The following SORBS2 variants were observed in gnomAD, a reference collection of about 807,000 sequenced individuals.
SORBS2 encodes sorbin and SH3 domain containing 2, also known as sorbin and SH3 domain-containing protein 2.
Under a neutral mutation model 97.7 loss-of-function variants are expected in SORBS2, and 46 were observed. The ratio of observed to expected loss-of-function variants is 0.47; its 90% confidence interval spans 0.37 to 0.60. The LOEUF (loss-of-function observed/expected upper bound fraction) is 0.60, where lower values mean the gene tolerates loss of function less well. Among genes scored for constraint, SORBS2 ranks in the 20% least tolerant of loss-of-function variants. The probability of loss-of-function intolerance (pLI) is 0.00; values close to 1 mark genes in which losing one functional copy is unlikely to be tolerated. For missense variants in SORBS2, 1,316 were observed against 1,282.3 expected (o/e 1.03, Z -0.40); for synonymous variants, 476 against 473.4 (o/e 1.01, Z -0.07).
At chr4:185,870,918 C>T (rs2149741218) in intron 1 of SORBS2, among the ~76,000 whole-genome samples, 1 of 152,278 alleles carries the variant, frequency 6.6e-6, no homozygotes, top group East Asian at 1.9e-4. Flanking sequence ...TTTGAGGAGA[C>T]AGGGTTAGAT....
At chr4:185,700,970 C>T (rs58758554) in intron 2 of SORBS2, among the ~76,000 whole-genome samples, 45,715 of 152,094 alleles carry the variant, frequency 0.3, 7,415 homozygotes, top group African/African-American at 0.42. Flanking sequence ...TCCACAGTTA[C>T]ACAGTGGAGA....
chr4:185,678,565 CA>C lies in SORBS2; in HGVS notation c.-170-19del. The C allele has an allele frequency of 6.6e-7, 1 of 1,508,542 alleles. No homozygotes were observed. The highest frequency in any genetic ancestry group is 8.8e-7 in the Non-Finnish European group (1 of 1,130,844). 93.4% of individuals were successfully genotyped at this position (1,508,542 alleles called of 1,614,324 possible). A position where few individuals can be genotyped will look rare whatever the true frequency, so the allele number is the denominator to read the frequency against. ...TCTCCAAGCTTTCATTAAGGGAAAA[CA>C]ATTGGATACAAAAATATCTACGTTC... On this transcript the variant is annotated intron_variant, in intron 3 of 20. Transcript: ENST00000284776.
intron 1 of SORBS2, among the ~76,000 whole-genome samples, chr4:185,827,186 CCATCAT>C (rs144601964): frequency 1.8e-4 from 9 of 49,342 alleles, no homozygotes; most frequent in South Asian, 1.2e-3. Flanking sequence ...ATCAGAATCA[CCATCAT>C]CATCATCATC....
chr4:185,945,563 C>A (rs1579620999), intron 1 of SORBS2, among the ~76,000 whole-genome samples: 1 of 152,232 alleles, frequency 6.6e-6, no homozygotes, highest in African/African-American at 2.4e-5. Context: ...AGATCCTCTT[C>A]TAGTGTTCCA....
intron 2 of SORBS2, among the ~76,000 whole-genome samples, chr4:185,715,902 C>T (rs1377055049): frequency 3.3e-5 from 5 of 152,180 alleles, no homozygotes; most frequent in Non-Finnish European, 7.3e-5. Flanking sequence ...GAAAGGAAGG[C>T]TATTCTTAAC....
intron 1 of SORBS2, among the ~76,000 whole-genome samples, chr4:185,883,498 C>CACTGCTCG (rs777624868): frequency 3.3e-5 from 5 of 152,146 alleles, no homozygotes; most frequent in Non-Finnish European, 7.3e-5. Context: ...AACACAATCC[C>CACTGCTCG]ACTGCTCGAT....
chr4:185,666,711 T>C (rs72718142), intron 4 of SORBS2, among the ~76,000 whole-genome samples: 19,591 of 152,222 alleles, frequency 0.13, 1,366 homozygotes, highest in Middle Eastern at 0.22. Flanking sequence ...ATGGAAAAGA[T>C]GTTTTATTTC....
chr4:185,736,714 C>A (rs554331417), intron 2 of SORBS2, among the ~76,000 whole-genome samples: 1 of 152,282 alleles, frequency 6.6e-6, no homozygotes, highest in Admixed American at 6.5e-5. Context: ...CACCCGATGA[C>A]ACCAGGGTGT....
intron 1 of SORBS2, among the ~76,000 whole-genome samples, chr4:185,863,763 T>G (rs558954518): frequency 6.6e-6 from 1 of 152,316 alleles, no homozygotes; most frequent in African/African-American, 2.4e-5. Context: ...AATCAGCTTG[T>G]CCATTTTTAC....
chr4:185,947,257 C>T (rs567088925), intron 1 of SORBS2, among the ~76,000 whole-genome samples: 28 of 152,296 alleles, frequency 1.8e-4, no homozygotes, highest in African/African-American at 6.7e-4. Flanking sequence ...GGGATCTGTA[C>T]TATAGTCAGG....
chr4:185,864,939 C>T (rs921491745), intron 1 of SORBS2, among the ~76,000 whole-genome samples: 1 of 149,368 alleles, frequency 6.7e-6, no homozygotes, highest in Non-Finnish European at 1.5e-5. Flanking sequence ...AAAAGCATAT[C>T]CTGGACGGTG....
chr4:185,592,402 G>A (rs1466318811), intron 13 of SORBS2, among the ~76,000 whole-genome samples: 6 of 152,176 alleles, frequency 3.9e-5, no homozygotes, highest in Non-Finnish European at 8.8e-5. Flanking sequence ...TTTGAAAGCT[G>A]TTTAATATAA....
chr4:185,868,903 A>C (rs76351076), intron 1 of SORBS2, among the ~76,000 whole-genome samples: 9,448 of 152,290 alleles, frequency 0.062, 342 homozygotes, highest in African/African-American at 0.099. Context: ...CACTTTAAAT[A>C]CAGGGTAATG....
At chr4:185,667,417 T>C in intron 4 of SORBS2, among the ~76,000 whole-genome samples, 1 of 152,110 alleles carries the variant, frequency 6.6e-6, no homozygotes. Flanking sequence ...CTTGAATACT[T>C]TTAAAAAATC....
chr4:185,724,274 G>A (rs2098539565), intron 2 of SORBS2, among the ~76,000 whole-genome samples: 1 of 151,412 alleles, frequency 6.6e-6, no homozygotes, highest in African/African-American at 2.4e-5. Context: ...AAGCTGTGCT[G>A]GGACAACTTT....
chr4:185,746,875 G>A (rs71624719), intron 2 of SORBS2, among the ~76,000 whole-genome samples: 20,227 of 152,124 alleles, frequency 0.13, 1,558 homozygotes, highest in South Asian at 0.19. Flanking sequence ...TTCATGTATC[G>A]AAGGACTGGC....
intron 2 of SORBS2, 121 bp from the exon 6 acceptor site, chr4:185,678,943 C>A: frequency 2.0e-6 from 1 of 503,756 alleles, no homozygotes. Context: ...GTTTTAAAAT[C>A]TGGGTATGTC....
At chr4:185,903,386 G>A (rs2099248796) in intron 1 of SORBS2, among the ~76,000 whole-genome samples, 1 of 152,118 alleles carries the variant, frequency 6.6e-6, no homozygotes. Flanking sequence ...ATATCATCAT[G>A]ATTCATACAT....
intron 4 of SORBS2, among the ~76,000 whole-genome samples, chr4:185,643,861 T>C (rs958147532): frequency 1.3e-5 from 2 of 152,168 alleles, no homozygotes; most frequent in Non-Finnish European, 2.9e-5. Context: ...TTGATACCCC[T>C]CAGCGCTGGC....
Sources: allele counts gnomAD v4.1 joint callset (sites outside exome capture counted in the v4.1 genomes callset), GRCh38; gene constraint gnomAD v4.1.1; transcripts MANE v1.5; gene names NCBI Gene and HGNC (gene_info 2026-07-23, HGNC 2026-07-21).